Variants in HDAC9 observed in about 807,000 individuals in gnomAD.
The protein encoded by HDAC9 is MEF-2 interacting transcription repressor (MITR) protein.
HDAC9 carries 41 observed loss-of-function variants against 139.4 expected under a neutral mutation model. The ratio of observed to expected loss-of-function variants is 0.29; its 90% CI spans 0.23 to 0.38. The LOEUF is 0.38. Among genes scored for constraint, HDAC9 ranks in the 10% least tolerant of loss-of-function variants. The pLI, the probability that HDAC9 is intolerant of heterozygous loss-of-function variation, is 1.00. For missense variants in HDAC9, 1,147 were observed against 1,297.0 expected, an observed-to-expected ratio of 0.88 and a Z score of 1.78; for synonymous variants, 517 against 476.2, an observed-to-expected ratio of 1.09 and a Z score of -1.12.
chr7:18,169,303 A>C (rs1788238247), intron 2 of HDAC9, among the ~76,000 whole-genome samples: 1 of 152,026 alleles, frequency 6.6e-6, no homozygotes, highest in Admixed American at 6.6e-5. Context: ...ATTGCATTTT[A>C]ATTGTCTCCT....
At position 18,486,447 on chromosome 7, in the gene HDAC9, A is replaced by C. The variant is rs189922490; in HGVS notation, c.-41-9815A>C. 1.2e-4 allele frequency among the ~76,000 whole-genome samples: 18 copies of C among 152,186 alleles called. No individual in the cohort carries two copies. In the East Asian group the frequency reaches 3.3e-3, roughly 28 times the overall value. ...TTTAAAGCTGAAAAGACAGCCTTCAACTCGATGACAATGTAAGGTGGAACT... is the reference window on the plus strand; with the variant it reads ...TTTAAAGCTGAAAAGACAGCCTTCACCTCGATGACAATGTAAGGTGGAACT... On this transcript the variant is annotated intron_variant, in intron 1 of 3. Coordinates refer to the HDAC9 transcript ENST00000413509.
chr7:18,431,045 C>A (rs1460797730), intron 1 of HDAC9, among the ~76,000 whole-genome samples: 2 of 151,688 alleles, frequency 1.3e-5, no homozygotes, highest in East Asian at 3.9e-4. Flanking sequence ...CTGTCCTGTC[C>A]TGTCCTGTCC....
intron 22 of HDAC9, among the ~76,000 whole-genome samples, chr7:18,927,913 G>C (rs545536178): frequency 6.6e-6 from 1 of 152,250 alleles, no homozygotes; most frequent in African/African-American, 2.4e-5. Flanking sequence ...TTCCTCAATA[G>C]AAAGAAAATA....
At chr7:18,745,951 G>T (rs544909989) in intron 13 of HDAC9, among the ~76,000 whole-genome samples, 21 of 147,298 alleles carry the variant, frequency 1.4e-4, no homozygotes, top group African/African-American at 5.1e-4. Context: ...GAGTGCAGTG[G>T]CTCAATCACT....
chr7:18,558,769 T>A (rs1293015390), intron 2 of HDAC9, among the ~76,000 whole-genome samples: 1 of 152,204 alleles, frequency 6.6e-6, no homozygotes, highest in Admixed American at 6.5e-5. Flanking sequence ...TAGCCTCAAA[T>A]GGTCTCGATT....
At chr7:18,730,122 T>C (rs1389976376) in intron 13 of HDAC9, among the ~76,000 whole-genome samples, 3 of 152,228 alleles carry the variant, frequency 2.0e-5, no homozygotes, top group Non-Finnish European at 4.4e-5. Context: ...ATATGCAATT[T>C]ATAATAATAG....
At chr7:18,127,506 G>A (rs1784742924) in intron 1 of HDAC9, among the ~76,000 whole-genome samples, 1 of 151,960 alleles carries the variant, frequency 6.6e-6, no homozygotes, top group Non-Finnish European at 1.5e-5. Flanking sequence ...TCTTTAGTTT[G>A]CAGTTTACCT....
chr7:18,215,177 T>C (rs1792214053), intron 2 of HDAC9, among the ~76,000 whole-genome samples: 1 of 152,204 alleles, frequency 6.6e-6, no homozygotes, highest in Admixed American at 6.5e-5. Context: ...TACTGAACTC[T>C]ATTTTTCATA....
chr7:18,515,745 G>A (rs976213293), intron 2 of HDAC9, among the ~76,000 whole-genome samples: 6 of 152,116 alleles, frequency 3.9e-5, no homozygotes, highest in Non-Finnish European at 7.4e-5. Context: ...GCAAACCTAA[G>A]GCTTAGAAGA....
intron 2 of HDAC9, chr7:18,578,105 C>T (rs1826581784): frequency 1.9e-6 from 1 of 518,572 alleles, no homozygotes; most frequent in Admixed American, 1.9e-5. Context: ...TGCTCTGCTC[C>T]AGACCTAGCA....
At chr7:18,814,696 G>A (rs1794435499) in intron 17 of HDAC9, among the ~76,000 whole-genome samples, 1 of 152,096 alleles carries the variant, frequency 6.6e-6, no homozygotes, top group East Asian at 1.9e-4. Flanking sequence ...AATTTCTGTG[G>A]TCAAAATTTG....
chr7:18,574,451 A>G (rs898866194), intron 2 of HDAC9, among the ~76,000 whole-genome samples: 4 of 152,202 alleles, frequency 2.6e-5, no homozygotes, highest in Non-Finnish European at 1.5e-5. Flanking sequence ...GGGCCTGGAT[A>G]AAGCACCATA....
At chr7:18,482,416 A>AAAAAAAAAAAAT in intron 1 of HDAC9, among the ~76,000 whole-genome samples, 6 of 139,564 alleles carry the variant, frequency 4.3e-5, no homozygotes, top group Non-Finnish European at 9.3e-5. Flanking sequence ...AAAAAAAAAA[A>AAAAAAAAAAAAT]ATTCTCCTTG....
At chr7:18,454,967 C>T (rs923489509) in intron 1 of HDAC9, among the ~76,000 whole-genome samples, 1 of 152,086 alleles carries the variant, frequency 6.6e-6, no homozygotes, top group African/African-American at 2.4e-5. Context: ...AATTTACTGT[C>T]ATCTTAACTG....
intron 2 of HDAC9, among the ~76,000 whole-genome samples, chr7:18,211,833 T>C (rs1201230967): frequency 6.6e-6 from 1 of 152,096 alleles, no homozygotes; most frequent in East Asian, 1.9e-4. Context: ...TGAGGACATT[T>C]AGCTGAGAAG....
intron 1 of HDAC9, among the ~76,000 whole-genome samples, chr7:18,355,670 G>A (rs1457285716): frequency 6.6e-6 from 1 of 152,162 alleles, no homozygotes; most frequent in Non-Finnish European, 1.5e-5. Context: ...TATACAGAGT[G>A]TGAGACATTG....
rs116226778 is a variant in HDAC9, at chr7:18,504,324, G to C, written c.22+8000G>C. Among the ~76,000 whole-genome samples the C allele has an allele frequency of 6.2e-3, 943 of 151,454 alleles. 10 individuals are homozygous for C. Among genetic ancestry groups the C allele is most frequent in the African/African-American group, 0.022 (913 of 41,292 alleles). ...TTTATTTTGTTTTGTTCTGTTTTTT[G>C]AGACAAAGTCTCACTCTGTCATCCA... On this transcript the variant is annotated intron_variant, in intron 2 of 25. Coordinates refer to ENST00000686413, the MANE Select transcript of HDAC9 (RefSeq NM_178425.4).
chr7:18,718,394 G>T (rs1371335718), intron 12 of HDAC9, among the ~76,000 whole-genome samples: 1 of 151,934 alleles, frequency 6.6e-6, no homozygotes, highest in Admixed American at 6.6e-5. Context: ...GCCACGCCTC[G>T]CTAATTTTTT....
rs114707034 is a variant in HDAC9 at position 18,577,962 on chromosome 7, C to A, written c.23-7319C>A. ...AAAATTTAAAAACCTTGGCAGCTGTCCCCTCTCCCCAAAACACACACATCC... is the reference window on the plus strand; with the variant it reads ...AAAATTTAAAAACCTTGGCAGCTGTACCCTCTCCCCAAAACACACACATCC... On this transcript the variant is annotated intron_variant, in intron 2 of 25. Coordinates refer to ENST00000686413, the MANE Select transcript of HDAC9 (RefSeq NM_178425.4). 5.4e-3 allele frequency among the ~76,000 whole-genome samples: 818 copies of A among 152,196 alleles called. 9 individuals are homozygous for A. Among genetic ancestry groups the A allele is most frequent in the African/African-American group, 0.019 (792 of 41,536 alleles).
Sources: allele counts gnomAD v4.1 joint callset (sites outside exome capture counted in the v4.1 genomes callset), GRCh38; gene constraint gnomAD v4.1.1; transcripts MANE v1.5; gene names NCBI Gene and HGNC (gene_info 2026-07-23, HGNC 2026-07-21).